Variants in LMNTD1 observed in about 807,000 individuals in gnomAD.
LMNTD1 encodes lamin tail domain-containing protein 1.
A neutral mutation model predicts 50.9 loss-of-function variants in LMNTD1; 35 were observed. The observed-to-expected ratio is 0.69, with a 90% CI of 0.53 to 0.91. The LOEUF is 0.91. Among genes scored for constraint, LMNTD1 ranks in the 40% least tolerant of loss-of-function variants. LMNTD1 has a pLI of 0.00. For synonymous variants in LMNTD1, 153 were observed against 161.9 expected (o/e 0.94, Z 0.42); for missense variants, 470 against 475.5 (o/e 0.99, Z 0.11).
chr12:25,513,635 C>T (rs908260296), intron 8 of LMNTD1, among the ~76,000 whole-genome samples: 7 of 152,252 alleles, frequency 4.6e-5, no homozygotes, highest in African/African-American at 1.7e-4. Flanking sequence ...GACTCTGCTT[C>T]AAAAACAAGC....
chr12:25,543,566 T>G (rs1487668196), intron 4 of LMNTD1, among the ~76,000 whole-genome samples: 2 of 151,974 alleles, frequency 1.3e-5, no homozygotes, highest in Non-Finnish European at 2.9e-5. Flanking sequence ...ATCTATATTT[T>G]TTGGTCTCAA....
intron 1 of LMNTD1, among the ~76,000 whole-genome samples, chr12:25,584,556 G>A (rs1945442842): frequency 6.6e-6 from 1 of 152,178 alleles, no homozygotes; most frequent in African/African-American, 2.4e-5. Context: ...GCCAGCTCTA[G>A]TCCAGAACTC....
At chr12:25,497,277 C>G (rs1939114423) in intron 9 of LMNTD1, among the ~76,000 whole-genome samples, 1 of 152,112 alleles carries the variant, frequency 6.6e-6, no homozygotes, top group Admixed American at 6.5e-5. Context: ...ATGAGACCGG[C>G]CCCTCCTCTT....
intron 1 of LMNTD1, among the ~76,000 whole-genome samples, chr12:25,573,974 T>A (rs1236530261): frequency 6.6e-6 from 1 of 152,154 alleles, no homozygotes; most frequent in African/African-American, 2.4e-5. Flanking sequence ...CACTGTTGAT[T>A]ATTACTCAGA....
At chr12:25,557,791 G>A (rs777104930), upstream of LMNTD1, among the ~76,000 whole-genome samples, 24 of 152,254 alleles carry the variant, frequency 1.6e-4, no homozygotes, top group Non-Finnish European at 2.8e-4. Context: ...TGAACCAAGA[G>A]CAAATAGTTA....
In LMNTD1 at chr12:25,508,893, T is replaced by G. The variant is rs1356798056; in HGVS notation, c.1190-5093A>C. ...AAGAAAATTCTTTCTAGTCCTAATA[T>G]TCTAAGGTTCTCTTGTGGGTATGGA... is the stretch of plus-strand genomic sequence containing the variant. On this transcript the variant is annotated intron_variant, in intron 8 of 9. Transcript: ENST00000458174. Among the ~76,000 whole-genome samples the G allele has an allele frequency of 1.2e-4, 17 of 145,040 alleles. No individual in the cohort carries two copies. In the Admixed American group the frequency reaches 1.2e-3, roughly 10 times the overall value.
intron 1 of LMNTD1, among the ~76,000 whole-genome samples, chr12:25,576,198 A>T (rs144622982): frequency 1.4e-3 from 211 of 152,308 alleles, no homozygotes; most frequent in African/African-American, 4.8e-3. Flanking sequence ...TCCTTTGGGT[A>T]TATGTCCAGT....
intron 1 of LMNTD1, among the ~76,000 whole-genome samples, chr12:25,586,319 C>T (rs1179259607): frequency 6.6e-6 from 1 of 152,082 alleles, no homozygotes; most frequent in Non-Finnish European, 1.5e-5. Flanking sequence ...AACTCTTAAC[C>T]ACTCTGCTGC....
intron 4 of LMNTD1, among the ~76,000 whole-genome samples, chr12:25,527,746 A>G (rs1280978749): frequency 3.5e-5 from 5 of 143,906 alleles, no homozygotes; most frequent in Non-Finnish European, 6.1e-5. Context: ...ATACATATAT[A>G]TGTATATCTA....
At chr12:25,516,365 G>A (rs1480345052) in intron 8 of LMNTD1, among the ~76,000 whole-genome samples, 2 of 152,266 alleles carry the variant, frequency 1.3e-5, no homozygotes, top group East Asian at 1.9e-4. Context: ...GAATAATCAA[G>A]ATAAGTTGCC....
chr12:25,613,330 T>C (rs1946287404), intron 1 of LMNTD1, among the ~76,000 whole-genome samples: 1 of 152,306 alleles, frequency 6.6e-6, no homozygotes, highest in East Asian at 1.9e-4. Flanking sequence ...AAGATAAGCT[T>C]AGGAACCAAA....
intron 1 of LMNTD1, among the ~76,000 whole-genome samples, chr12:25,641,464 T>C (rs1946958263): frequency 6.6e-6 from 1 of 152,180 alleles, no homozygotes; most frequent in South Asian, 2.1e-4. Flanking sequence ...CAATGTGACC[T>C]GAGGTAAGTA....
intron 1 of LMNTD1, among the ~76,000 whole-genome samples, chr12:25,638,717 A>G (rs1180929562): frequency 6.6e-6 from 1 of 152,142 alleles, no homozygotes; most frequent in Non-Finnish European, 1.5e-5. Flanking sequence ...ATGTTGATAG[A>G]TAAGAAGACA....
chr12:25,548,691 G>A (rs556713642), intron 3 of LMNTD1, among the ~76,000 whole-genome samples: 9 of 151,898 alleles, frequency 5.9e-5, no homozygotes, highest in Admixed American at 2.6e-4. Context: ...AGTAAACCAC[G>A]GAAACACACC....
Position 25,628,032 on chromosome 12 carries a change from C to T in LMNTD1, c.58+20462G>A, listed in dbSNP as rs553759251. Among the ~76,000 whole-genome samples, 45 of 139,906 alleles carry T rather than the reference C, an allele frequency of 3.2e-4. No individual in the cohort carries two copies. In the East Asian group the frequency reaches 8.8e-3, roughly 27 times the overall value. 91.8% of individuals were successfully genotyped at this position (139,906 alleles called of 152,430 possible). On this transcript the variant is annotated intron_variant, in intron 1 of 7. Coordinates refer to the LMNTD1 transcript ENST00000445693. The stretch of plus-strand genomic sequence containing the variant: ...CTGAGGCAGGAGAATGGCGTGAACC[C>T]GGGAGGCGGAGCTTGCAGTGAGTCG...
At chr12:25,495,216 T>C (rs1156569001) in intron 9 of LMNTD1, among the ~76,000 whole-genome samples, 1 of 151,264 alleles carries the variant, frequency 6.6e-6, no homozygotes, top group African/African-American at 2.4e-5. Context: ...ATATTTTCTT[T>C]TACTATTTCC....
At chr12:25,512,417 G>C (rs73074368) in intron 8 of LMNTD1, among the ~76,000 whole-genome samples, 3,370 of 152,204 alleles carry the variant, frequency 0.022, 79 homozygotes, top group East Asian at 0.13. Context: ...GACATGTAAT[G>C]CTTATTTTAA....
At chr12:25,555,780 A>T (rs1055396966), upstream of LMNTD1, among the ~76,000 whole-genome samples, 1 of 152,136 alleles carries the variant, frequency 6.6e-6, no homozygotes, top group Non-Finnish European at 1.5e-5. Context: ...TTCATTATAG[A>T]TTATGATTAT....
intron 1 of LMNTD1, among the ~76,000 whole-genome samples, chr12:25,570,509 T>C (rs1592041355): frequency 6.6e-6 from 1 of 152,168 alleles, no homozygotes; most frequent in African/African-American, 2.4e-5. Flanking sequence ...CTAGGCAGTG[T>C]TGTATGTACT....
Sources: gnomAD v4.1 joint callset for allele counts (sites outside exome capture counted in the v4.1 genomes callset) on GRCh38, gnomAD v4.1.1 for gene constraint, MANE v1.5 for transcripts, NCBI Gene and HGNC (gene_info 2026-07-23, HGNC 2026-07-21) for gene names.